Variants in THSD7A observed in about 807,000 individuals in gnomAD.
THSD7A encodes the protein thrombospondin type-1 domain-containing protein 7A.
THSD7A carries 96 observed loss-of-function variants against 231.3 expected under a neutral mutation model. That is an observed-to-expected ratio of 0.41 (90% CI 0.35 to 0.49). The LOEUF (loss-of-function observed/expected upper bound fraction) is 0.49. Among genes scored for constraint, THSD7A ranks in the 20% least tolerant of loss-of-function variants. The pLI is 0.05. For missense variants in THSD7A, 2,290 were observed against 2,070.2 expected, an observed-to-expected ratio of 1.11 and a Z score of -2.06; for synonymous variants, 940 against 743.3, an observed-to-expected ratio of 1.26 and a Z score of -4.30.
rs1784404020 is a variant in THSD7A at position 11,429,027 on chromosome 7, C to T, written c.3163G>A (p.Val1055Met). The change falls in exon 14 of 28, where the codon GTG becomes ATG. Residue 1055 changes from valine to methionine, a missense_variant. Transcript: ENST00000423059. ...SRCSKSCGSG[V>M]KVRSKWLREK... ...CGCAGCCATTTAGAACGAACCTTCACACCACTCCCACAGGACTTGCTGCAG... is the reference window on the plus strand; with the variant it reads ...CGCAGCCATTTAGAACGAACCTTCATACCACTCCCACAGGACTTGCTGCAG... 1.9e-6 allele frequency: 3 copies of T among 1,613,182 alleles called. No individual in the cohort carries two copies. Among genetic ancestry groups the T allele is most frequent in the Admixed American group, 1.7e-5 (1 of 59,876 alleles).
intron 9 of THSD7A, among the ~76,000 whole-genome samples, chr7:11,466,457 T>C (rs1021515467): frequency 1.1e-4 from 16 of 152,180 alleles, no homozygotes; most frequent in Admixed American, 9.2e-4. Flanking sequence ...TACAGCAGTC[T>C]ACAGGCAAAA....
chr7:11,402,458 G>T (rs1783439052), intron 22 of THSD7A, among the ~76,000 whole-genome samples: 1 of 152,166 alleles, frequency 6.6e-6, no homozygotes, highest in South Asian at 2.1e-4. Context: ...CAGATGAGTG[G>T]AGGTGAGAGA....
chr7:11,504,828 A>C (rs917768338), intron 6 of THSD7A, among the ~76,000 whole-genome samples: 1 of 140,108 alleles, frequency 7.1e-6, no homozygotes, highest in Middle Eastern at 3.9e-3. Context: ...AGGACAACTA[A>C]CTCCTTTTTT....
At chr7:11,668,152 AGGCCG>A (rs1383607232) in intron 1 of THSD7A, among the ~76,000 whole-genome samples, 1 of 152,136 alleles carries the variant, frequency 6.6e-6, no homozygotes, top group East Asian at 1.9e-4. Context: ...AAGAAATGGA[AGGCCG>A]GGCATGGTGG....
chr7:11,475,083 T>C (rs1786103212), intron 7 of THSD7A, among the ~76,000 whole-genome samples: 1 of 152,124 alleles, frequency 6.6e-6, no homozygotes, highest in Non-Finnish European at 1.5e-5. Context: ...CAATTAACAA[T>C]ATTGACATAG....
intron 1 of THSD7A, among the ~76,000 whole-genome samples, chr7:11,728,158 A>C (rs1417197303): frequency 1.3e-5 from 2 of 151,988 alleles, no homozygotes; most frequent in Admixed American, 6.6e-5. Flanking sequence ...TCATGTGCAC[A>C]TCAATTTTTG....
At chr7:11,602,900 G>A (rs1302327005) in intron 2 of THSD7A, among the ~76,000 whole-genome samples, 1 of 150,850 alleles carries the variant, frequency 6.6e-6, no homozygotes. Flanking sequence ...AGACTTAAAC[G>A]TTAGACCTAA....
intron 1 of THSD7A, among the ~76,000 whole-genome samples, chr7:11,717,700 C>G (rs1781188935): frequency 6.6e-6 from 1 of 151,710 alleles, no homozygotes; most frequent in Admixed American, 6.6e-5. Context: ...TACCCTTCAT[C>G]CATAAAACAA....
chr7:11,521,232 G>A (rs975983579), intron 6 of THSD7A, among the ~76,000 whole-genome samples: 1 of 151,958 alleles, frequency 6.6e-6, no homozygotes, highest in African/African-American at 2.4e-5. Context: ...TGCTCCATTA[G>A]AAGTACTTCC....
At chr7:11,546,860 A>C (rs1043656480) in intron 4 of THSD7A, among the ~76,000 whole-genome samples, 1 of 152,206 alleles carries the variant, frequency 6.6e-6, no homozygotes, top group African/African-American at 2.4e-5. Flanking sequence ...AAGAAAAAAA[A>C]CAAACTGATC....
intron 4 of THSD7A, among the ~76,000 whole-genome samples, chr7:11,563,123 G>T (rs994519987): frequency 1.3e-5 from 2 of 152,066 alleles, no homozygotes; most frequent in African/African-American, 4.8e-5. Context: ...TACTAAACTT[G>T]AATCATAGAA....
At chr7:11,703,454 G>A (rs1780668734) in intron 1 of THSD7A, among the ~76,000 whole-genome samples, 1 of 151,132 alleles carries the variant, frequency 6.6e-6, no homozygotes, top group Non-Finnish European at 1.5e-5. Context: ...TAGATCCAAT[G>A]TCATAGCTTT....
intron 24 of THSD7A, 114 bp from the exon 25 acceptor site, chr7:11,379,826 T>A (rs1782439884): frequency 2.6e-6 from 3 of 1,138,622 alleles, no homozygotes; most frequent in Non-Finnish European, 3.8e-6. Flanking sequence ...CCCAGGAATT[T>A]TTCTGTCAGT....
rs1295087056 is a variant in THSD7A, at chr7:11,793,410, CA to C, written c.190+38346del. On this transcript the variant is annotated intron_variant, in intron 1 of 27. Transcript: ENST00000423059. Reference sequence around the variant, plus strand: ...ACATTTCTGCCTCTGAGAAAGAAATCAGAATAATTTTCTTAGAAATAACATT... The same window carrying C: ...ACATTTCTGCCTCTGAGAAAGAAATCGAATAATTTTCTTAGAAATAACATT... Among the ~76,000 whole-genome samples the C allele has an allele frequency of 5.3e-5, 8 of 151,818 alleles. No individual in the cohort carries two copies. In the South Asian group the frequency reaches 1.7e-3, roughly 31 times the overall value.
At position 11,632,859 on chromosome 7, in the gene THSD7A, C is replaced by G. The variant is rs1781704567; in HGVS notation, c.1022+3271G>C. On this transcript the variant is annotated intron_variant, in intron 2 of 27. Coordinates refer to ENST00000423059, the MANE Select transcript of THSD7A (RefSeq NM_015204.3). The surrounding 1 kb of genome is among the most constrained non-coding windows in gnomAD (Gnocchi z 4.1). Reference sequence around the variant, plus strand: ...TCTTTTAATTTCAGGAAAGTCTTATCCTTGTATTTTGTTGTGTTTTCTGTT... The same window carrying G: ...TCTTTTAATTTCAGGAAAGTCTTATGCTTGTATTTTGTTGTGTTTTCTGTT... Among the ~76,000 whole-genome samples, 1 of 152,010 alleles carries G rather than the reference C, an allele frequency of 6.6e-6. No homozygotes were observed. Among genetic ancestry groups the G allele is most frequent in the South Asian group, 2.1e-4 (1 of 4,814 alleles).
intron 4 of THSD7A, 38 bp from the exon 5 acceptor site, chr7:11,543,155 A>G (rs751851598): frequency 4.4e-6 from 7 of 1,577,178 alleles, no homozygotes; most frequent in South Asian, 2.3e-5. Context: ...AAAATGAACA[A>G]AAGGAACATA....
At chr7:11,624,602 T>A (rs1404447848) in intron 2 of THSD7A, among the ~76,000 whole-genome samples, 1 of 152,094 alleles carries the variant, frequency 6.6e-6, no homozygotes, top group Non-Finnish European at 1.5e-5. Context: ...CCTTATCAAA[T>A]TACCTTAATA....
intron 1 of THSD7A, among the ~76,000 whole-genome samples, chr7:11,796,940 G>T (rs1583298654): frequency 6.6e-6 from 1 of 151,978 alleles, no homozygotes. Flanking sequence ...ATTTAAATGT[G>T]AATAACAATT....
At chr7:11,695,976 G>A (rs1780383780) in intron 1 of THSD7A, among the ~76,000 whole-genome samples, 1 of 151,530 alleles carries the variant, frequency 6.6e-6, no homozygotes, top group Non-Finnish European at 1.5e-5. Flanking sequence ...ATGAGTTTAA[G>A]TGTAGTTTTG....
Sources: gnomAD v4.1 joint callset for allele counts (sites outside exome capture counted in the v4.1 genomes callset) on GRCh38, gnomAD v4.1.1 for gene constraint, Gnocchi (gnomAD v3.1) non-coding constraint, MANE v1.5 for transcripts, NCBI Gene and HGNC (gene_info 2026-07-23, HGNC 2026-07-21) for gene names.